IL1R1: variants seen among roughly 807,000 people sequenced by gnomAD.
IL1R1 encodes the protein interleukin 1 receptor type 1.
In IL1R1, 22 loss-of-function variants were observed where a neutral mutation model predicts 50.2. That is an observed-to-expected ratio of 0.44 (90% CI 0.31 to 0.63). The LOEUF is 0.63. Among genes scored for constraint, IL1R1 ranks in the 20% least tolerant of loss-of-function variants. IL1R1 has a pLI of 0.07. For synonymous variants in IL1R1, 251 were observed against 236.7 expected (o/e 1.06, Z -0.55); for missense variants, 509 against 676.2 (o/e 0.75, Z 2.74).
chr2:102,113,779 A>G (rs762981531), intron 1 of IL1R1, among the ~76,000 whole-genome samples: 2 of 152,042 alleles, frequency 1.3e-5, no homozygotes, highest in Non-Finnish European at 2.9e-5. Flanking sequence ...GCAGCCATCC[A>G]TCTCCTCCCC....
At chr2:102,114,329 C>A (rs551050156) in intron 1 of IL1R1, among the ~76,000 whole-genome samples, 2 of 152,304 alleles carry the variant, frequency 1.3e-5, no homozygotes, top group South Asian at 4.1e-4. Flanking sequence ...CATGGGGAAA[C>A]CTGGTTTCAC....
chr2:102,168,420 G>A (rs1685386039), intron 6 of IL1R1, among the ~76,000 whole-genome samples, 178 bp from the exon 7 acceptor site: 2 of 152,204 alleles, frequency 1.3e-5, no homozygotes, highest in Non-Finnish European at 2.9e-5. Context: ...AGTGTGCTGT[G>A]GCCTCTGCCT....
chr2:102,161,196 G>T (rs1578003930), intron 3 of IL1R1, among the ~76,000 whole-genome samples: 2 of 152,190 alleles, frequency 1.3e-5, no homozygotes, highest in East Asian at 3.9e-4. Context: ...TTTGACTCAT[G>T]AGTTATTTAG....
At chr2:102,170,212 C>A (rs1685554665) in intron 7 of IL1R1, among the ~76,000 whole-genome samples, 2 of 152,308 alleles carry the variant, frequency 1.3e-5, no homozygotes, top group East Asian at 3.9e-4. Flanking sequence ...AGATCCAATA[C>A]CATTACTCCT....
At chr2:102,118,975 T>G (rs1967313) in intron 1 of IL1R1, among the ~76,000 whole-genome samples, 60,054 of 137,520 alleles carry the variant, frequency 0.44, 13,898 homozygotes, top group African/African-American at 0.66. Flanking sequence ...CCGAGATCGC[T>G]CCACTGCTCT....
At chr2:102,118,770 C>T (rs1477516178) in intron 1 of IL1R1, among the ~76,000 whole-genome samples, 1 of 152,094 alleles carries the variant, frequency 6.6e-6, no homozygotes, top group Non-Finnish European at 1.5e-5. Context: ...GTAATCCCAG[C>T]ACTTTGGGAG....
At chr2:102,100,527 A>G (rs991764440), upstream of IL1R1, among the ~76,000 whole-genome samples, 1 of 152,206 alleles carries the variant, frequency 6.6e-6, no homozygotes, top group Non-Finnish European at 1.5e-5. Flanking sequence ...AGATACTTAC[A>G]TGAAATTCTG....
intron 3 of IL1R1, among the ~76,000 whole-genome samples, chr2:102,158,501 A>G (rs530992470): frequency 1.3e-5 from 2 of 152,308 alleles, no homozygotes; most frequent in Non-Finnish European, 2.9e-5. Context: ...GAAGGGGAAA[A>G]GAGAGCTATT....
intron 1 of IL1R1, among the ~76,000 whole-genome samples, chr2:102,073,084 A>G (rs1678805267): frequency 6.6e-6 from 1 of 152,016 alleles, no homozygotes; most frequent in Non-Finnish European, 1.5e-5. Context: ...GTACTGGGGG[A>G]TCAACTATTC....
At chr2:102,086,098 G>A (rs1679417949) in intron 1 of IL1R1, among the ~76,000 whole-genome samples, 1 of 152,158 alleles carries the variant, frequency 6.6e-6, no homozygotes, top group African/African-American at 2.4e-5. Flanking sequence ...CACTAGCACT[G>A]CTAAACTTGT....
intron 1 of IL1R1, among the ~76,000 whole-genome samples, chr2:102,086,346 G>T (rs1365552054): frequency 6.6e-6 from 1 of 152,004 alleles, no homozygotes; most frequent in African/African-American, 2.4e-5. Context: ...GTGATGGGTC[G>T]TTTTTCTCTA....
intron 1 of IL1R1, among the ~76,000 whole-genome samples, chr2:102,072,080 A>C (rs1678746951): frequency 6.6e-6 from 1 of 152,132 alleles, no homozygotes; most frequent in Non-Finnish European, 1.5e-5. Flanking sequence ...TGACACGGCA[A>C]AACCCCGTCT....
intron 1 of IL1R1, among the ~76,000 whole-genome samples, chr2:102,071,540 A>G (rs1036564144): frequency 3.9e-5 from 6 of 152,218 alleles, no homozygotes; most frequent in Admixed American, 2.0e-4. Flanking sequence ...GGCTGAAAGT[A>G]TCAGAAAGTG....
intron 1 of IL1R1, among the ~76,000 whole-genome samples, chr2:102,113,997 G>A (rs1680923826): frequency 6.6e-6 from 1 of 152,206 alleles, no homozygotes. Flanking sequence ...TAAGGAACAT[G>A]AGGAAGGGAA....
At chr2:102,073,911 C>T (rs1678848914) in intron 1 of IL1R1, among the ~76,000 whole-genome samples, 1 of 152,088 alleles carries the variant, frequency 6.6e-6, no homozygotes, top group African/African-American at 2.4e-5. Flanking sequence ...TCAACAATGC[C>T]CCTCTTTTAT....
chr2:102,125,674 T>A (rs1681672039), intron 1 of IL1R1, among the ~76,000 whole-genome samples: 1 of 152,200 alleles, frequency 6.6e-6, no homozygotes, highest in South Asian at 2.1e-4. Flanking sequence ...GGTGAAGTCC[T>A]CCTGGTGGTC....
At chr2:102,134,223 G>A (rs1216501289) in intron 1 of IL1R1, among the ~76,000 whole-genome samples, 3 of 150,694 alleles carry the variant, frequency 2.0e-5, no homozygotes, top group African/African-American at 4.9e-5. Context: ...AGACTATTCT[G>A]CCCCTGAGCC....
chr2:102,124,174 C>A (rs7572233), intron 1 of IL1R1, among the ~76,000 whole-genome samples: 35,518 of 152,026 alleles, frequency 0.23, 6,256 homozygotes, highest in African/African-American at 0.49. Flanking sequence ...GTGGTCTCAG[C>A]ATTTTGGGAG....
intron 1 of IL1R1, among the ~76,000 whole-genome samples, chr2:102,134,946 G>T (rs764437840): frequency 6.6e-6 from 1 of 152,020 alleles, no homozygotes; most frequent in Non-Finnish European, 1.5e-5. Context: ...GTTTCCCTGT[G>T]TCATTATTTT....
Sources: gnomAD v4.1 joint callset for allele counts (sites outside exome capture counted in the v4.1 genomes callset) on GRCh38, gnomAD v4.1.1 for gene constraint, MANE v1.5 for transcripts, NCBI Gene and HGNC (gene_info 2026-07-23, HGNC 2026-07-21) for gene names.